Variants in LRAT observed in about 807,000 individuals in gnomAD.
LRAT encodes the protein lecithin retinol acyltransferase (phosphatidylcholine--retinol O-acyltransferase).
LRAT carries 11 observed loss-of-function variants against 14.2 expected under a neutral mutation model. The observed-to-expected ratio is 0.78, with a 90% CI of 0.49 to 1.29. The LOEUF (loss-of-function observed/expected upper bound fraction) is 1.29. Among genes scored for constraint, LRAT ranks in the 50% most tolerant of loss-of-function variants. The pLI is 0.00. For missense variants in LRAT, 274 were observed against 292.4 expected, an observed-to-expected ratio of 0.94 and a Z score of 0.46; for synonymous variants, 144 against 124.8, an observed-to-expected ratio of 1.15 and a Z score of -1.03.
At chr4:154,741,349 C>G (rs977725698), upstream of LRAT, among the ~76,000 whole-genome samples, 3 of 152,188 alleles carry the variant, frequency 2.0e-5, no homozygotes, top group Non-Finnish European at 1.5e-5. Context: ...TTTTCACTGC[C>G]TCCTTCGGGC....
intron 2 of LRAT, chr4:154,748,134 C>G (rs1732918934): frequency 7.3e-6 from 5 of 688,114 alleles, no homozygotes; most frequent in Non-Finnish European, 9.0e-6. Context: ...GTAGAGATAA[C>G]TGTCAACAAA....
upstream of LRAT, chr4:154,740,879 G>T (rs1268490656): frequency 6.6e-6 from 1 of 152,220 alleles, no homozygotes; most frequent in African/African-American, 2.4e-5. Context: ...GGAAACCAGA[G>T]GTCTCTCCAG....
At chr4:154,745,141 C>T (rs1732861282) in intron 2 of LRAT, among the ~76,000 whole-genome samples, 1 of 149,982 alleles carries the variant, frequency 6.7e-6, no homozygotes, top group South Asian at 2.1e-4. Context: ...GCCTCAGCCT[C>T]CTGAGTAGCT....
intron 2 of LRAT, 24 bp downstream of exon 2, chr4:154,744,890 A>T (rs1403998354): frequency 6.2e-7 from 1 of 1,608,148 alleles, no homozygotes; most frequent in Admixed American, 1.7e-5. Flanking sequence ...CTCCCAGGGG[A>T]AGTGGGCTCC....
rs568618413 is a variant in LRAT, at chr4:154,748,398, A to G, written c.541-586A>G. On this transcript the variant is annotated intron_variant, in intron 2 of 2. Coordinates refer to ENST00000336356, the MANE Select transcript of LRAT (RefSeq NM_004744.5). ...GATGCATTCCTCAGGGGTAAGGACA[A>G]TATTTGTCTTTTTTTCCAGCAGCCA... is the stretch of plus-strand genomic sequence containing the variant. The G allele has an allele frequency of 4.1e-4, 408 of 990,560 alleles. 5 individuals are homozygous for G. The South Asian group carries it at 0.016, about 40-fold the overall frequency. 61.4% of individuals were successfully genotyped at this position (990,560 alleles called of 1,614,324 possible).
upstream of LRAT, among the ~76,000 whole-genome samples, chr4:154,741,918 T>C (rs1006714212): frequency 1.3e-5 from 2 of 152,196 alleles, no homozygotes; most frequent in African/African-American, 4.8e-5. Context: ...ATAAGCCGCC[T>C]TAGTGACCAC....
At chr4:154,743,984 C>G (rs1732818761), upstream of LRAT, 1 of 257,864 alleles carries the variant, frequency 3.9e-6, no homozygotes, top group South Asian at 6.4e-5. Flanking sequence ...AAAGTCGCAG[C>G]GAAGCCTGCA....
upstream of LRAT, among the ~76,000 whole-genome samples, chr4:154,742,378 G>A (rs1241300148): frequency 6.6e-6 from 1 of 152,072 alleles, no homozygotes; most frequent in Non-Finnish European, 1.5e-5. Context: ...GCAGGGAGAC[G>A]GGGACAGATC....
Position 154,744,048 on chromosome 4 carries a change from TTCTCC to T in LRAT, c.-175_-171del. 4 of 497,658 alleles carry T rather than the reference TTCTCC, an allele frequency of 8.0e-6. No homozygotes were observed. The highest frequency in any genetic ancestry group is 5.5e-4 in the Middle Eastern group (1 of 1,814). The allele number at this position is 497,658 out of a possible 1,614,324, so 30.8% of individuals were successfully genotyped here. On this transcript the variant is annotated 5_prime_UTR_variant, in exon 1 of 3. Transcript: ENST00000336356. Reference sequence around the variant, plus strand: ...CCGGCACGGCCCCCAGGTGCGCTCCTTCTCCGGCTGCTTGTAGCACTGGTCTCACT... The same window carrying T: ...CCGGCACGGCCCCCAGGTGCGCTCCTGGCTGCTTGTAGCACTGGTCTCACT...
At position 154,752,554 on chromosome 4, in the gene LRAT, T is replaced by C. The variant is rs1162246941; in HGVS notation, c.*3418T>C. 2.6e-5 allele frequency: 4 copies of C among 152,182 alleles called. No individual in the cohort carries two copies. Among genetic ancestry groups the C allele is most frequent in the Non-Finnish European group, 5.9e-5 (4 of 68,034 alleles). The allele number at this position is 152,182 out of a possible 1,614,324, so 9.4% of individuals were successfully genotyped here. A position where few individuals can be genotyped will look rare whatever the true frequency, so the allele number is the denominator to read the frequency against. On this transcript the variant is annotated 3_prime_UTR_variant, in exon 3 of 3. Transcript: ENST00000336356. ...AAAGTATGGAGAACAAAGGAACTCA[T>C]TTTAAAGGACTAGCTAAGATGCTCA...
chr4:154,749,013 T>A lies in LRAT; in HGVS notation c.570T>A (p.Arg190=). ...GTGAGACTGTGAAGATAATTATTCG[T>A]GATCAGAGAAGTGTTCTTGCTTCAG... The part of the protein sequence containing the change: ...KFCETVKIII[R]DQRSVLASAV... Residue 190 remains arginine (R), a synonymous_variant, in exon 3 of 3, where the codon CGT becomes CGA. Transcript: ENST00000336356. The A allele has an allele frequency of 6.2e-7, 1 of 1,613,830 alleles. No individual in the cohort carries two copies. Among genetic ancestry groups the A allele is most frequent in the African/African-American group, 1.3e-5 (1 of 75,028 alleles).
chr4:154,741,625 A>G (rs1022041041), upstream of LRAT, among the ~76,000 whole-genome samples: 9 of 152,128 alleles, frequency 5.9e-5, no homozygotes, highest in Admixed American at 1.3e-4. Flanking sequence ...TTTGAAGTAA[A>G]GCCCTTTCCC....
Position 154,752,043 on chromosome 4 carries a change from T to C in LRAT, c.*2907T>C, listed in dbSNP as rs1220611437. 6.6e-6 allele frequency: 1 copy of C among 152,210 alleles called. No individual in the cohort carries two copies. The highest frequency in any genetic ancestry group is 1.9e-4 in the East Asian group (1 of 5,194). 9.4% of individuals were successfully genotyped at this position (152,210 alleles called of 1,614,324 possible). On this transcript the variant is annotated 3_prime_UTR_variant, in exon 3 of 3. Transcript: ENST00000336356. ...TAGGCAGGTGTTAGGGATGAAATGA[T>C]GAATGAGGCATGGACCTGTTCCTCA...
rs1560870826 is a variant in LRAT at position 154,744,568 on chromosome 4, TGACA to T, written c.246_249del (p.Asp83ThrfsTer82). 3.1e-6 allele frequency: 5 copies of T among 1,614,152 alleles called. No individual in the cohort carries two copies. The highest frequency in any genetic ancestry group is 2.2e-5 in the South Asian group (2 of 91,066). ...ATGATGCCCGACATCCTGTTGGCCC[TGACA>T]GACGACATGGGGCGCACGCAGAAGG... On this transcript the variant is annotated frameshift_variant, in exon 2 of 3. Transcript: ENST00000336356. LOFTEE classifies it high-confidence loss of function.
In LRAT at chr4:154,744,785, C is replaced by T; in HGVS notation, c.459C>T (p.Pro153=). 1 of 1,614,134 alleles carries T rather than the reference C, an allele frequency of 6.2e-7. No individual in the cohort carries two copies. The highest frequency in any genetic ancestry group is 8.5e-7 in the Non-Finnish European group (1 of 1,180,026). The change falls in exon 2 of 3, where the codon CCC becomes CCT. Residue 153 remains proline, a synonymous_variant. Coordinates refer to ENST00000336356, the MANE Select transcript of LRAT (RefSeq NM_004744.5). ...CTGAAAAGCTGCTGGGCTTTACCCC[C>T]TACAGCCTGCTGTGGAACAACTGCG... The part of the protein sequence containing the change: ...RRAEKLLGFT[P]YSLLWNNCEH...
upstream of LRAT, among the ~76,000 whole-genome samples, chr4:154,741,935 C>A (rs981940021): frequency 6.6e-6 from 1 of 152,194 alleles, no homozygotes; most frequent in Non-Finnish European, 1.5e-5. Flanking sequence ...CCACCAGGGA[C>A]GGAAACCGTT....
chr4:154,745,894 C>T (rs374646003), intron 2 of LRAT, among the ~76,000 whole-genome samples: 2 of 152,124 alleles, frequency 1.3e-5, no homozygotes, highest in African/African-American at 4.8e-5. Flanking sequence ...CATCCTTTAC[C>T]CATTAGCCCT....
Position 154,752,812 on chromosome 4 carries a change from G to A in LRAT, c.*3676G>A, listed in dbSNP as rs887819484. ...TCCTAATTTTAGCTCTGTTAGATAT[G>A]TTTCTTTCTAAGGACAAGCAACTAT... On this transcript the variant is annotated 3_prime_UTR_variant, in exon 3 of 3. Transcript: ENST00000336356. The A allele has an allele frequency of 6.6e-6, 1 of 152,046 alleles. No homozygotes were observed. The highest frequency in any genetic ancestry group is 1.9e-4 in the East Asian group (1 of 5,196). 9.4% of individuals were successfully genotyped at this position (152,046 alleles called of 1,614,324 possible).
chr4:154,744,210 A>G lies in LRAT; in HGVS notation c.-14A>G. 9.1e-7 allele frequency: 1 copy of G among 1,096,284 alleles called. No homozygotes were observed. The highest frequency in any genetic ancestry group is 1.7e-5 in the Admixed American group (1 of 57,702). 67.9% of individuals were successfully genotyped at this position (1,096,284 alleles called of 1,614,324 possible). ...GCGGCCGTACTTTGCGCCGTACCTC[A>G]CCTGGCCTGCAGGTGAGCAGCAGCG... is the stretch of plus-strand genomic sequence containing the variant. On this transcript the variant is annotated 5_prime_UTR_variant, in exon 1 of 3. Coordinates refer to ENST00000336356, the MANE Select transcript of LRAT (RefSeq NM_004744.5).
Sources: allele counts gnomAD v4.1 joint callset (sites outside exome capture counted in the v4.1 genomes callset), GRCh38; gene constraint gnomAD v4.1.1; transcripts MANE v1.5; gene names NCBI Gene and HGNC (gene_info 2026-07-23, HGNC 2026-07-21).